Variants in GPM6B observed in about 807,000 individuals in gnomAD.
The protein encoded by GPM6B is neuronal membrane glycoprotein M6-b.
GPM6B carries 4 observed loss-of-function variants against 27.2 expected under a neutral mutation model. The ratio of observed to expected loss-of-function variants is 0.15; its 90% confidence interval spans 0.07 to 0.34. The LOEUF (loss-of-function observed/expected upper bound fraction) is 0.34, where lower values mean the gene tolerates loss of function less well. Among genes scored for constraint, GPM6B ranks in the 10% least tolerant of loss-of-function variants. The pLI, the probability that GPM6B is intolerant of heterozygous loss-of-function variation, is 1.00. For synonymous variants in GPM6B, 124 were observed against 103.1 expected, an observed-to-expected ratio of 1.20 and a Z score of -1.23; for missense variants, 183 against 261.9, an observed-to-expected ratio of 0.70 and a Z score of 2.08.
intron 1 of GPM6B, among the ~76,000 whole-genome samples, chrX:13,933,208 T>C (rs1921664465): frequency 1.8e-5 from 2 of 111,860 alleles, no homozygotes; most frequent in South Asian, 7.6e-4. Context: ...CCAATGAACA[T>C]TGGGGTATAA....
intron 1 of GPM6B, among the ~76,000 whole-genome samples, chrX:13,937,782 G>C (rs755936594): frequency 9.0e-6 from 1 of 111,528 alleles, no homozygotes; most frequent in Non-Finnish European, 1.9e-5. Flanking sequence ...GGGCCAGGTT[G>C]GAGATTTCAG....
At chrX:13,885,641 G>A (rs1310161680) in intron 1 of GPM6B, among the ~76,000 whole-genome samples, 2 of 111,324 alleles carry the variant, frequency 1.8e-5, no homozygotes, top group African/African-American at 6.5e-5. Flanking sequence ...GGTGCCACCC[G>A]CTTCGGAAGG....
intron 2 of GPM6B, among the ~76,000 whole-genome samples, chrX:13,800,119 TGCTC>T (rs1164090716): frequency 8.9e-6 from 1 of 111,768 alleles, no homozygotes; most frequent in East Asian, 2.8e-4. Flanking sequence ...CCTGCTCACT[TGCTC>T]TCTCTATCTG....
rs1433016644 is a variant in GPM6B at position 13,938,361 on chromosome X, C to T, written c.-232G>A. The T allele has an allele frequency of 2.5e-5, 7 of 282,447 alleles. No homozygotes were observed. In the East Asian group the frequency reaches 3.6e-4, roughly 14 times the overall value. The allele number at this position is 282,447 out of a possible 1,213,427, so 23.3% of individuals were successfully genotyped here. On this transcript the variant is annotated 5_prime_UTR_variant, in exon 1 of 7. Transcript: ENST00000398361. ...CCGGACACCTGCGCCGCGCCCCTCC[C>T]ACCTCCAGCGTCCCGGCTTCGTCGC...
rs747466374 is a variant in GPM6B, at chrX:13,810,744, T to TAAAAA, written c.62-2980_62-2976dup. Among the ~76,000 whole-genome samples the TAAAAA allele has an allele frequency of 1.2e-4, 10 of 80,645 alleles. No individual in the cohort carries two copies. The East Asian group carries it at 1.8e-3, about 15-fold the overall frequency. 70.0% of individuals were successfully genotyped at this position (80,645 alleles called of 115,157 possible). ...TGCCTAAGACCCTTAATTCAGGATT[T>TAAAAA]AAAAAAAAAAAAAAAAAAAAAGAAT... On this transcript the variant is annotated intron_variant, in intron 1 of 7. Coordinates refer to ENST00000316715, the MANE Select transcript of GPM6B (RefSeq NM_001001995.3).
At chrX:13,775,891 G>C (rs938050541) in intron 7 of GPM6B, among the ~76,000 whole-genome samples, 1 of 112,113 alleles carries the variant, frequency 8.9e-6, no homozygotes, top group Non-Finnish European at 1.9e-5. Context: ...AATATCCCTT[G>C]GCAAAGAAAT....
intron 1 of GPM6B, among the ~76,000 whole-genome samples, chrX:13,935,016 G>A (rs529417500): frequency 1.8e-5 from 2 of 111,372 alleles, no homozygotes; most frequent in Non-Finnish European, 1.9e-5. Context: ...TAACAAGATC[G>A]CTAGATGATC....
At chrX:13,926,004 G>A (rs1176128278) in intron 1 of GPM6B, among the ~76,000 whole-genome samples, 7 of 103,077 alleles carry the variant, frequency 6.8e-5, no homozygotes, top group Non-Finnish European at 1.4e-4. Flanking sequence ...GCAGCGACCC[G>A]AGATCGCACC....
chrX:13,910,876 A>G (rs1012013657), intron 1 of GPM6B, among the ~76,000 whole-genome samples: 6 of 112,576 alleles, frequency 5.3e-5, no homozygotes, highest in African/African-American at 1.9e-4. Flanking sequence ...AGGTTCAAAG[A>G]CCCAGAAAGT....
chrX:13,907,578 G>A (rs989313336), intron 1 of GPM6B, among the ~76,000 whole-genome samples: 4 of 111,182 alleles, frequency 3.6e-5, no homozygotes, highest in African/African-American at 1.3e-4. Context: ...AGTGAGGCAG[G>A]AGAATCACTT....
At chrX:13,780,575 TA>T (rs1425927392) in intron 4 of GPM6B, among the ~76,000 whole-genome samples, 1 of 112,178 alleles carries the variant, frequency 8.9e-6, no homozygotes, top group Admixed American at 9.4e-5. Flanking sequence ...AATACAAGCT[TA>T]ATGCTCGATC....
At position 13,928,287 on chromosome X, in the gene GPM6B, A is replaced by C. The variant is rs755777895; in HGVS notation, c.-198+10040T>G. On this transcript the variant is annotated intron_variant, in intron 1 of 6. Coordinates refer to the GPM6B transcript ENST00000398361. ...CTGGTTACATTTATAAAAACTTATT[A>C]AGCTGTACACTTATGATTTGCCCAC... is the stretch of plus-strand genomic sequence containing the variant. 2.3e-3 allele frequency among the ~76,000 whole-genome samples: 258 copies of C among 112,411 alleles called. 2 individuals are homozygous for C. Among genetic ancestry groups the C allele is most frequent in the African/African-American group, 7.6e-3 (235 of 31,026 alleles).
intron 1 of GPM6B, among the ~76,000 whole-genome samples, chrX:13,860,231 T>C (rs1449565591): frequency 1.8e-5 from 2 of 112,322 alleles, no homozygotes; most frequent in African/African-American, 6.5e-5. Context: ...TCTTTTCTCC[T>C]TTGAGATATT....
chrX:13,778,386 C>T (rs1435981686), intron 5 of GPM6B, among the ~76,000 whole-genome samples: 1 of 112,351 alleles, frequency 8.9e-6, no homozygotes, highest in Non-Finnish European at 1.9e-5. Flanking sequence ...CTGTCCTTTA[C>T]CCCAGAGGGT....
At chrX:13,794,186 CTTT>C (rs373995174) in intron 2 of GPM6B, among the ~76,000 whole-genome samples, 3 of 100,517 alleles carry the variant, frequency 3.0e-5, no homozygotes, top group Non-Finnish European at 4.0e-5. Flanking sequence ...CTCTCTCTCT[CTTT>C]TTTTTTTTTT....
chrX:13,891,930 C>G (rs1382014752), intron 1 of GPM6B, among the ~76,000 whole-genome samples: 3 of 111,709 alleles, frequency 2.7e-5, no homozygotes, highest in African/African-American at 9.7e-5. Context: ...AAATAGGAGT[C>G]ACAGAACAAT....
intron 1 of GPM6B, among the ~76,000 whole-genome samples, chrX:13,829,087 C>G (rs1421539336): frequency 2.7e-5 from 3 of 111,623 alleles, no homozygotes; most frequent in African/African-American, 9.8e-5. Flanking sequence ...TCCAGGTCAC[C>G]ACCAAAGAAA....
chrX:13,804,433 C>A (rs6629382), intron 2 of GPM6B, among the ~76,000 whole-genome samples: 2 of 4,014 alleles, frequency 5.0e-4, no homozygotes, highest in African/African-American at 9.6e-4. Context: ...GGGCGGGGGG[C>A]GGGGGTAGCC....
chrX:13,780,880 T>C (rs773150841), intron 4 of GPM6B: 37 of 280,039 alleles, frequency 1.3e-4, no homozygotes, highest in African/African-American at 9.3e-4. Flanking sequence ...GGAGACCTGA[T>C]GGTCACCCCT....
Sources: gnomAD v4.1 joint callset for allele counts (sites outside exome capture counted in the v4.1 genomes callset) on GRCh38, gnomAD v4.1.1 for gene constraint, MANE v1.5 for transcripts, NCBI Gene and HGNC (gene_info 2026-07-23, HGNC 2026-07-21) for gene names.